The following ETF1 variants were observed in gnomAD, a reference collection of about 807,000 sequenced individuals.
ETF1 encodes eukaryotic translation termination factor 1.
In ETF1, 4 loss-of-function variants were observed where a neutral mutation model predicts 55.1. That is an observed-to-expected ratio of 0.07 (90% CI 0.04 to 0.17). The LOEUF (loss-of-function observed/expected upper bound fraction) is 0.17. ETF1 is among the 10% of genes least tolerant of loss of function. ETF1 has a pLI of 1.00. For missense variants in ETF1, 142 were observed against 523.6 expected, an observed-to-expected ratio of 0.27 and a Z score of 7.11; for synonymous variants, 157 against 182.3, an observed-to-expected ratio of 0.86 and a Z score of 1.12.
chr5:138,532,459 A>G (rs1765742442), intron 2 of ETF1, among the ~76,000 whole-genome samples: 1 of 152,174 alleles, frequency 6.6e-6, no homozygotes, highest in Admixed American at 6.6e-5. Context: ...TAGCTTGGAG[A>G]GCAGATAGTA....
chr5:138,535,052 G>GA lies in ETF1; in HGVS notation c.86+7780_86+7781insT, dbSNP rs1561845179. Reference sequence around the variant, plus strand: ...TGCAACTTCCGCCTCTTGGGTTCAAGCGATTCTCTTGCCTCAGCCTCCCGA... The same window carrying GA: ...TGCAACTTCCGCCTCTTGGGTTCAAGACGATTCTCTTGCCTCAGCCTCCCGA... On this transcript the variant is annotated intron_variant, in intron 2 of 10. Coordinates refer to ENST00000360541, the MANE Select transcript of ETF1 (RefSeq NM_004730.4). 3.9e-4 allele frequency among the ~76,000 whole-genome samples: 59 copies of GA among 150,058 alleles called. 1 individual carries two copies. Among genetic ancestry groups the GA allele is most frequent in the Admixed American group, 3.5e-3 (52 of 14,964 alleles).
At chr5:138,515,710 G>A (rs754542894) in intron 4 of ETF1, among the ~76,000 whole-genome samples, 5 of 152,188 alleles carry the variant, frequency 3.3e-5, no homozygotes, top group African/African-American at 4.8e-5. Flanking sequence ...GTGAGCAAAA[G>A]CCAGACAACA....
rs541972979 is a variant in ETF1, at chr5:138,535,962, C to T, written c.86+6871G>A. Among the ~76,000 whole-genome samples, 10 of 147,582 alleles carry T rather than the reference C, an allele frequency of 6.8e-5. No individual in the cohort carries two copies. In the South Asian group the frequency reaches 1.8e-3, roughly 26 times the overall value. On this transcript the variant is annotated intron_variant, in intron 2 of 10. Transcript: ENST00000360541. ...CATGTACTGTGTTATTCTGTACTCA[C>T]TAATATGGAGTTGAAAATGGTTTAT...
intron 8 of ETF1, 79 bp downstream of exon 8, chr5:138,510,966 T>C: frequency 6.4e-7 from 1 of 1,556,754 alleles, no homozygotes; most frequent in Non-Finnish European, 8.7e-7. Flanking sequence ...GCTCCTGAAA[T>C]CAGCCATCCC....
chr5:138,511,022 A>G, intron 8 of ETF1, 23 bp downstream of exon 8: 1 of 1,608,684 alleles, frequency 6.2e-7, no homozygotes, highest in South Asian at 1.1e-5. Flanking sequence ...ACAAATAGCA[A>G]CCTTATTTTC....
At chr5:138,533,610 TG>T (rs1471757518) in intron 2 of ETF1, among the ~76,000 whole-genome samples, 2 of 152,090 alleles carry the variant, frequency 1.3e-5, no homozygotes, top group African/African-American at 4.8e-5. Context: ...CGCTTAAACC[TG>T]GGAGGCAGTG....
intron 2 of ETF1, among the ~76,000 whole-genome samples, chr5:138,521,023 C>T (rs1414946988): frequency 1.3e-5 from 2 of 152,190 alleles, no homozygotes; most frequent in Admixed American, 1.3e-4. Context: ...AGAGCGGGGA[C>T]TTACACACCA....
intron 2 of ETF1, among the ~76,000 whole-genome samples, chr5:138,527,723 A>T (rs1031907163): frequency 1.3e-4 from 20 of 152,080 alleles, no homozygotes; most frequent in Non-Finnish European, 7.4e-5. Flanking sequence ...ATGCTTGGTA[A>T]GCCAATTCTC....
intron 2 of ETF1, among the ~76,000 whole-genome samples, chr5:138,519,839 A>T (rs1177711199): frequency 6.6e-6 from 1 of 152,114 alleles, no homozygotes; most frequent in Non-Finnish European, 1.5e-5. Flanking sequence ...GACCTATGGA[A>T]GATTTTGGTT....
intron 2 of ETF1, among the ~76,000 whole-genome samples, chr5:138,525,829 C>T (rs1765445986): frequency 6.6e-6 from 1 of 151,512 alleles, no homozygotes; most frequent in African/African-American, 2.4e-5. Context: ...GCCTATAATC[C>T]CAGCTACTTT....
At chr5:138,513,534 A>G in intron 5 of ETF1, 34 bp downstream of exon 5, 4 of 1,539,328 alleles carry the variant, frequency 2.6e-6, no homozygotes, top group Non-Finnish European at 2.7e-6. Flanking sequence ...GCTAGACACA[A>G]AGTAAGTGGG....
intron 2 of ETF1, among the ~76,000 whole-genome samples, chr5:138,524,760 T>A (rs181132797): frequency 3.3e-4 from 50 of 151,816 alleles, no homozygotes; most frequent in African/African-American, 1.1e-3. Flanking sequence ...GTATTTTTAG[T>A]AGAGATGGGG....
intron 2 of ETF1, among the ~76,000 whole-genome samples, chr5:138,540,083 A>G (rs1014402697): frequency 6.6e-6 from 1 of 152,214 alleles, no homozygotes; most frequent in African/African-American, 2.4e-5. Flanking sequence ...TCCTTTTTCA[A>G]GCTACATTAA....
intron 2 of ETF1, among the ~76,000 whole-genome samples, chr5:138,538,682 GAA>G (rs1396756523): frequency 2.4e-4 from 36 of 151,270 alleles, no homozygotes; most frequent in Non-Finnish European, 4.4e-5. Flanking sequence ...AAAAAAAAAA[GAA>G]TGTGAAATTC....
At chr5:138,520,138 T>A (rs907270391) in intron 2 of ETF1, among the ~76,000 whole-genome samples, 2 of 144,244 alleles carry the variant, frequency 1.4e-5, no homozygotes, top group African/African-American at 5.2e-5. Flanking sequence ...AGGGAAATAA[T>A]CAACTTAACC....
At chr5:138,509,156 G>A (rs1764665432) in intron 9 of ETF1, 2 of 985,294 alleles carry the variant, frequency 2.0e-6, no homozygotes, top group Non-Finnish European at 2.4e-6. Flanking sequence ...TGGCTCAGAA[G>A]AGACATTCCA....
intron 2 of ETF1, among the ~76,000 whole-genome samples, chr5:138,537,386 T>C (rs1765981361): frequency 1.3e-5 from 2 of 152,324 alleles, no homozygotes; most frequent in Non-Finnish European, 2.9e-5. Flanking sequence ...GTGGCAAATG[T>C]GGTGTTAAGT....
At position 138,533,410 on chromosome 5, in the gene ETF1, G is replaced by A. The variant is rs574320566; in HGVS notation, c.86+9423C>T. On this transcript the variant is annotated intron_variant, in intron 2 of 10. Coordinates refer to ENST00000360541, the MANE Select transcript of ETF1 (RefSeq NM_004730.4). ...AAAATACCAATAAAAAAATCTGGCC[G>A]GGCACAGTGGCTCACGCCTGTAATC... Among the ~76,000 whole-genome samples, 5 of 152,044 alleles carry A rather than the reference G, an allele frequency of 3.3e-5. No individual in the cohort carries two copies. The East Asian group carries it at 5.8e-4, about 18-fold the overall frequency.
At chr5:138,517,387 AT>A (rs992408098) in intron 4 of ETF1, among the ~76,000 whole-genome samples, 173 bp downstream of exon 4, 2 of 151,658 alleles carry the variant, frequency 1.3e-5, no homozygotes, top group Non-Finnish European at 2.9e-5. Flanking sequence ...AAATAAAAAA[AT>A]AAAAATAAAA....
Sources: gnomAD v4.1 joint callset for allele counts (sites outside exome capture counted in the v4.1 genomes callset) on GRCh38, gnomAD v4.1.1 for gene constraint, MANE v1.5 for transcripts, NCBI Gene and HGNC (gene_info 2026-07-23, HGNC 2026-07-21) for gene names.